Variants in OPCML observed in about 807,000 individuals in gnomAD.
OPCML encodes opioid-binding protein/cell adhesion molecule.
OPCML carries 13 observed loss-of-function variants against 37.8 expected under a neutral mutation model. The ratio of observed to expected loss-of-function variants is 0.34; its 90% confidence interval spans 0.22 to 0.55. OPCML has a LOEUF of 0.55. Ranked by LOEUF, OPCML falls within the 20% of genes least tolerant of loss-of-function variation. The pLI is 0.91. For missense variants in OPCML, 341 were observed against 435.6 expected (o/e 0.78, Z 1.93); for synonymous variants, 176 against 168.8 (o/e 1.04, Z -0.33).
At chr11:133,311,342 T>A (rs1943063516) in intron 1 of OPCML, among the ~76,000 whole-genome samples, 1 of 152,230 alleles carries the variant, frequency 6.6e-6, no homozygotes, top group Admixed American at 6.5e-5. Flanking sequence ...ACACACTTAT[T>A]CTTCTTGTTA....
chr11:132,454,680 GC>G (rs1162695329), intron 4 of OPCML, among the ~76,000 whole-genome samples: 2 of 152,166 alleles, frequency 1.3e-5, no homozygotes, highest in Admixed American at 6.5e-5. Context: ...ATTAAATTTT[GC>G]CCATTACAGA....
At chr11:132,736,789 C>G (rs557174483) in intron 2 of OPCML, among the ~76,000 whole-genome samples, 2 of 152,104 alleles carry the variant, frequency 1.3e-5, no homozygotes, top group Non-Finnish European at 2.9e-5. Flanking sequence ...GACCACTGCC[C>G]CATTGACATA....
chr11:132,563,915 G>A (rs2096416307), intron 3 of OPCML, among the ~76,000 whole-genome samples: 1 of 152,084 alleles, frequency 6.6e-6, no homozygotes, highest in Non-Finnish European at 1.5e-5. Context: ...TGCTGATTTT[G>A]CCCCAAAATG....
chr11:133,148,431 T>C (rs927150639), intron 1 of OPCML, among the ~76,000 whole-genome samples: 14 of 152,216 alleles, frequency 9.2e-5, no homozygotes, highest in African/African-American at 3.1e-4. Context: ...TAAATGGAAA[T>C]GATGGCTCCA....
In OPCML at chr11:133,522,393, C is replaced by A. The variant is rs74972146; in HGVS notation, c.61+9871G>T. On this transcript the variant is annotated intron_variant, in intron 1 of 7. Transcript: ENST00000524381. ...ACCCTGAACATATTCTTCTGCATAT[C>A]AAGGAGCAAAGTATTTCTGGAAGTC... 9.8e-5 allele frequency among the ~76,000 whole-genome samples: 15 copies of A among 152,328 alleles called. No homozygotes were observed. The East Asian group carries it at 2.9e-3, about 29-fold the overall frequency.
At chr11:133,450,623 G>A (rs1050440335) in intron 1 of OPCML, among the ~76,000 whole-genome samples, 1 of 151,704 alleles carries the variant, frequency 6.6e-6, no homozygotes, top group East Asian at 1.9e-4. Flanking sequence ...GAGAGAAAGA[G>A]ATGCTCTGCT....
chr11:132,628,533 CCTT>C (rs1458584329), intron 3 of OPCML, among the ~76,000 whole-genome samples: 1 of 152,092 alleles, frequency 6.6e-6, no homozygotes, highest in African/African-American at 2.4e-5. Context: ...AGTGAATTAA[CCTT>C]CTATATGCAA....
intron 3 of OPCML, among the ~76,000 whole-genome samples, chr11:132,656,446 GGAA>G (rs1204101213): frequency 2.0e-5 from 3 of 152,184 alleles, no homozygotes; most frequent in Non-Finnish European, 4.4e-5. Context: ...AAAGGAGAAT[GGAA>G]GAAGATGCTA....
At chr11:133,148,304 C>A (rs914281995) in intron 1 of OPCML, among the ~76,000 whole-genome samples, 1 of 152,150 alleles carries the variant, frequency 6.6e-6, no homozygotes, top group Non-Finnish European at 1.5e-5. Flanking sequence ...TCCCTCATGC[C>A]ATTGATCAGA....
intron 1 of OPCML, among the ~76,000 whole-genome samples, chr11:133,252,047 C>T (rs1034616590): frequency 3.3e-5 from 5 of 152,002 alleles, no homozygotes; most frequent in Non-Finnish European, 7.4e-5. Context: ...GCCTCAGGCA[C>T]GGATATTTCC....
chr11:132,977,091 A>G (rs938194385), intron 1 of OPCML, among the ~76,000 whole-genome samples: 2 of 152,256 alleles, frequency 1.3e-5, no homozygotes, highest in Non-Finnish European at 2.9e-5. Context: ...TCTCATTTAT[A>G]GAAGTGGGAT....
chr11:132,910,896 A>T (rs1454125325), intron 2 of OPCML, among the ~76,000 whole-genome samples: 1 of 152,234 alleles, frequency 6.6e-6, no homozygotes, highest in African/African-American at 2.4e-5. Flanking sequence ...AGAATAGCAG[A>T]AAGTGAACAA....
chr11:133,409,820 T>C (rs1565619067), intron 1 of OPCML, among the ~76,000 whole-genome samples: 1 of 152,050 alleles, frequency 6.6e-6, no homozygotes, highest in African/African-American at 2.4e-5. Flanking sequence ...ATGAAGAACA[T>C]CTTTGTTCTT....
chr11:132,768,950 A>G (rs184010740), intron 2 of OPCML, among the ~76,000 whole-genome samples: 1 of 152,288 alleles, frequency 6.6e-6, no homozygotes, highest in African/African-American at 2.4e-5. Context: ...AGCAGCTTGT[A>G]CTGTAGAGCA....
intron 2 of OPCML, among the ~76,000 whole-genome samples, chr11:132,918,796 T>C (rs1944692270): frequency 6.8e-6 from 1 of 148,042 alleles, no homozygotes; most frequent in Admixed American, 6.7e-5. Flanking sequence ...GCACCAGGGT[T>C]GAAAAAAAAC....
At chr11:133,058,607 G>A (rs1412537863) in intron 1 of OPCML, among the ~76,000 whole-genome samples, 2 of 152,274 alleles carry the variant, frequency 1.3e-5, no homozygotes, top group Non-Finnish European at 1.5e-5. Flanking sequence ...GCTCCCATCA[G>A]GGCAGCTCTG....
chr11:132,874,991 T>C (rs986420375), intron 2 of OPCML, among the ~76,000 whole-genome samples: 1 of 152,220 alleles, frequency 6.6e-6, no homozygotes, highest in Admixed American at 6.5e-5. Flanking sequence ...ATTTAAAACA[T>C]AGTCTCAGAT....
At chr11:133,159,135 G>C (rs1950107867) in intron 1 of OPCML, among the ~76,000 whole-genome samples, 1 of 152,232 alleles carries the variant, frequency 6.6e-6, no homozygotes, top group African/African-American at 2.4e-5. Flanking sequence ...GATCCTGAGT[G>C]AGACTGATAA....
intron 1 of OPCML, among the ~76,000 whole-genome samples, chr11:133,403,903 G>T (rs1191356468): frequency 6.6e-6 from 1 of 152,164 alleles, no homozygotes; most frequent in Non-Finnish European, 1.5e-5. Context: ...ACTCTCCTAG[G>T]TGTTGTGTTA....
Sources: allele counts gnomAD v4.1 joint callset (sites outside exome capture counted in the v4.1 genomes callset), GRCh38; gene constraint gnomAD v4.1.1; transcripts MANE v1.5; gene names NCBI Gene and HGNC (gene_info 2026-07-23, HGNC 2026-07-21).